CPXM2: variants seen among roughly 807,000 people sequenced by gnomAD.
CPXM2 encodes inactive carboxypeptidase-like protein X2.
Under a neutral mutation model 86.1 loss-of-function variants are expected in CPXM2, and 66 were observed. That is an observed-to-expected ratio of 0.77 (90% CI 0.63 to 0.94). The LOEUF (loss-of-function observed/expected upper bound fraction) is 0.94. CPXM2 is among the 40% of genes least tolerant of loss of function. The pLI is 0.00. For synonymous variants in CPXM2, 388 were observed against 400.2 expected (o/e 0.97, Z 0.36); for missense variants, 948 against 1,026.3 (o/e 0.92, Z 1.04).
At chr10:123,758,491 C>A (rs1353404737) in intron 11 of CPXM2, among the ~76,000 whole-genome samples, 4 of 152,078 alleles carry the variant, frequency 2.6e-5, no homozygotes, top group Non-Finnish European at 4.4e-5. Flanking sequence ...GATCTTAAGG[C>A]CCATCCAGGT....
chr10:123,937,470 AAC>A (rs201368456), intron 2 of CPXM2, among the ~76,000 whole-genome samples: 21,679 of 131,974 alleles, frequency 0.16, 1,627 homozygotes, highest in Non-Finnish European at 0.18. Flanking sequence ...ACAACAAAAC[AAC>A]ACACACACAC....
upstream of CPXM2, chr10:123,891,869 G>A (rs1369940037): frequency 6.4e-6 from 1 of 155,080 alleles, no homozygotes; most frequent in Non-Finnish European, 1.4e-5. The surrounding 1 kb of genome is among the most constrained non-coding windows in gnomAD (Gnocchi z 5.6). Flanking sequence ...AGAGGCGCGG[G>A]GCGGGCGCAG....
intron 4 of CPXM2, among the ~76,000 whole-genome samples, chr10:123,837,843 A>G (rs1564791776): frequency 6.6e-6 from 1 of 152,226 alleles, no homozygotes; most frequent in Non-Finnish European, 1.5e-5. Context: ...AGAACTTATC[A>G]TCAACTTGGT....
intron 6 of CPXM2, among the ~76,000 whole-genome samples, chr10:123,787,162 A>G (rs1773007503): frequency 6.6e-6 from 1 of 152,142 alleles, no homozygotes; most frequent in African/African-American, 2.4e-5. Flanking sequence ...CCAGTTCCCC[A>G]TGCAGCTGGG....
At chr10:123,761,819 C>A (rs191938148) in intron 11 of CPXM2, 53 bp downstream of exon 11, 586 of 1,537,480 alleles carry the variant, frequency 3.8e-4, no homozygotes, top group Non-Finnish European at 5.0e-4. Flanking sequence ...GGAGGAGACC[C>A]CTGCAGCGTC....
chr10:123,830,423 G>A (rs1848139677), intron 4 of CPXM2, among the ~76,000 whole-genome samples: 1 of 152,196 alleles, frequency 6.6e-6, no homozygotes, highest in Non-Finnish European at 1.5e-5. Context: ...CACCAGATGT[G>A]GCAAGTGGGC....
intron 4 of CPXM2, among the ~76,000 whole-genome samples, chr10:123,841,228 C>T (rs191659344): frequency 6.6e-6 from 1 of 152,334 alleles, no homozygotes; most frequent in East Asian, 1.9e-4. Context: ...CTCTGCGTGA[C>T]CACCGTCCAC....
chr10:123,930,502 G>A (rs1945658972), intron 2 of CPXM2, among the ~76,000 whole-genome samples: 1 of 152,160 alleles, frequency 6.6e-6, no homozygotes, highest in African/African-American at 2.4e-5. Context: ...TACCTTTGTG[G>A]GTTCCTGTAG....
chr10:123,851,540 C>T (rs542556321), intron 3 of CPXM2, among the ~76,000 whole-genome samples: 6 of 152,196 alleles, frequency 3.9e-5, no homozygotes, highest in East Asian at 1.9e-4. Context: ...GAGGCCAAGG[C>T]GGGCGGATCA....
At chr10:123,753,786 T>A (rs1846133867) in intron 13 of CPXM2, among the ~76,000 whole-genome samples, 2 of 152,212 alleles carry the variant, frequency 1.3e-5, no homozygotes, top group African/African-American at 4.8e-5. Flanking sequence ...ATGTCAGCAC[T>A]GCCTTTTAGA....
chr10:123,775,975 T>A (rs865970907), intron 7 of CPXM2, among the ~76,000 whole-genome samples: 7 of 152,088 alleles, frequency 4.6e-5, no homozygotes, highest in Admixed American at 2.0e-4. Flanking sequence ...GGTCAAAGAT[T>A]TTTTTTTGGA....
intron 1 of CPXM2, among the ~76,000 whole-genome samples, chr10:123,888,133 G>A (rs1945209865): frequency 6.6e-6 from 1 of 152,148 alleles, no homozygotes; most frequent in Admixed American, 6.5e-5. Flanking sequence ...CAATGCCCTT[G>A]GCTCCTTGCA....
chr10:123,939,399 T>TTTCC (rs1170336789), intron 2 of CPXM2: 3 of 152,168 alleles, frequency 2.0e-5, no homozygotes, highest in African/African-American at 7.2e-5. Flanking sequence ...TGCTGGTGGC[T>TTTCC]CTAAGCGAGG....
chr10:123,807,653 T>C (rs1250909855), intron 4 of CPXM2, among the ~76,000 whole-genome samples: 1 of 152,210 alleles, frequency 6.6e-6, no homozygotes, highest in Non-Finnish European at 1.5e-5. Flanking sequence ...AGAGGAAGTC[T>C]GCGTGGCTTA....
At chr10:123,895,121 CTTTTTTT>C (rs869104432), upstream of CPXM2, among the ~76,000 whole-genome samples, 227 of 85,878 alleles carry the variant, frequency 2.6e-3, no homozygotes, top group African/African-American at 9.0e-3. Context: ...TCTTTTTTTT[CTTTTTTT>C]TTTTTTTTTT....
rs1945159099 is a variant in CPXM2, at chr10:123,885,041, C to T, written c.305-4732G>A. Among the ~76,000 whole-genome samples, 1 of 152,236 alleles carries T rather than the reference C, an allele frequency of 6.6e-6. No homozygotes were observed. The highest frequency in any genetic ancestry group is 1.5e-5 in the Non-Finnish European group (1 of 68,036). ...GGGAGCTGTTGGTACCTGCCAGTCT[C>T]ATCTTAGATTCCACCTGGAAACAGC... is the stretch of plus-strand genomic sequence containing the variant. On this transcript the variant is annotated intron_variant, in intron 1 of 13. Coordinates refer to ENST00000241305, the MANE Select transcript of CPXM2 (RefSeq NM_198148.3). This position sits in a 1 kb window ranked among gnomAD's most constrained non-coding sequence, Gnocchi z 4.0.
intron 2 of CPXM2, among the ~76,000 whole-genome samples, chr10:123,933,182 C>G (rs1945682708): frequency 6.6e-6 from 1 of 152,164 alleles, no homozygotes; most frequent in Non-Finnish European, 1.5e-5. Flanking sequence ...CAAGGAAGGG[C>G]AAGTAGGACT....
chr10:123,905,796 C>A (rs181718789), intron 2 of CPXM2, among the ~76,000 whole-genome samples: 5 of 152,168 alleles, frequency 3.3e-5, no homozygotes, highest in African/African-American at 1.2e-4. Context: ...TCCCACCCCA[C>A]CCTCACCCAG....
In CPXM2 at chr10:123,793,356, C is replaced by T. The variant is rs547111085; in HGVS notation, c.889+4620G>A. 6.6e-5 allele frequency among the ~76,000 whole-genome samples: 10 copies of T among 150,436 alleles called. No homozygotes were observed. The South Asian group carries it at 1.9e-3, about 29-fold the overall frequency. On this transcript the variant is annotated intron_variant, in intron 6 of 13. Transcript: ENST00000241305. Reference sequence around the variant, plus strand: ...GCGGGGGCCTGTAGTCCCAGCTACCCGGAGGCTAAGGCAGGAGAATAGCGT... The same window carrying T: ...GCGGGGGCCTGTAGTCCCAGCTACCTGGAGGCTAAGGCAGGAGAATAGCGT...
Sources: allele counts gnomAD v4.1 joint callset (sites outside exome capture counted in the v4.1 genomes callset), GRCh38; gene constraint gnomAD v4.1.1; non-coding constraint Gnocchi (gnomAD v3.1); transcripts MANE v1.5; gene names NCBI Gene and HGNC (gene_info 2026-07-23, HGNC 2026-07-21).